NOL12: variants seen among roughly 807,000 people sequenced by gnomAD.
NOL12 encodes nucleolar protein 12.
In NOL12, 21 loss-of-function variants were observed where a neutral mutation model predicts 25.2. The observed-to-expected ratio is 0.83, with a 90% CI of 0.59 to 1.20. The LOEUF (loss-of-function observed/expected upper bound fraction) is 1.20. NOL12 is among the 50% of genes most tolerant of loss of function. The pLI is 0.00. For synonymous variants in NOL12, 133 were observed against 113.8 expected, an observed-to-expected ratio of 1.17 and a Z score of -1.08; for missense variants, 286 against 287.6, an observed-to-expected ratio of 0.99 and a Z score of 0.04.
Position 37,691,351 on chromosome 22 carries a change from C to CT in NOL12, c.*15_*16insT. 1.9e-6 allele frequency: 3 copies of CT among 1,595,632 alleles called. No homozygotes were observed. Among genetic ancestry groups the CT allele is most frequent in the South Asian group, 2.2e-5 (2 of 89,544 alleles). On this transcript the variant is annotated 3_prime_UTR_variant, in exon 6 of 6. Coordinates refer to ENST00000359114, the MANE Select transcript of NOL12 (RefSeq NM_024313.3). ...GCGGGGAGTGAGACCGAGAACGAAG[C>CT]GGTGCCCCAGTCTAGGCTGCGGGGA...
chr22:37,688,154 C>T (rs1200046390), intron 2 of NOL12, 139 bp downstream of exon 2: 32 of 1,053,106 alleles, frequency 3.0e-5, no homozygotes, highest in Non-Finnish European at 4.4e-5. Flanking sequence ...CAGGTGGAGA[C>T]TCTGTGGGCC....
chr22:37,689,050 G>C, intron 4 of NOL12, 58 bp downstream of exon 4: 1 of 1,586,436 alleles, frequency 6.3e-7, no homozygotes, highest in Non-Finnish European at 8.6e-7. Flanking sequence ...AGCTTGTCAG[G>C]GTTGCTCAGT....
rs1039997025 is a variant in NOL12, at chr22:37,686,750, G to A, written c.83+275G>A. 45 of 985,346 alleles carry A rather than the reference G, an allele frequency of 4.6e-5. No individual in the cohort carries two copies. In the Admixed American group the frequency reaches 7.4e-4, roughly 16 times the overall value. The allele number at this position is 985,346 out of a possible 1,614,324, so 61.0% of individuals were successfully genotyped here. A position where few individuals can be genotyped will look rare whatever the true frequency, so the allele number is the denominator to read the frequency against. ...CAGTGGCTTCGACCACCCTAGCCCA[G>A]CCCAGTCCATCGGTCCGGCACACAG... On this transcript the variant is annotated intron_variant, in intron 1 of 5. Transcript: ENST00000359114.
In NOL12 at chr22:37,690,797, G is replaced by T. The variant is rs746872615; in HGVS notation, c.479+3G>T. 5 of 1,610,148 alleles carry T rather than the reference G, an allele frequency of 3.1e-6. No homozygotes were observed. The Admixed American group carries it at 6.7e-5, about 21-fold the overall frequency. ...AGAGACCCCCTGCTCTCTCAGCGGTGAGTCTTGGCCTGCTGCCTCCCCGGT... is the reference window on the plus strand; with the variant it reads ...AGAGACCCCCTGCTCTCTCAGCGGTTAGTCTTGGCCTGCTGCCTCCCCGGT... On this transcript the variant is annotated splice_donor_region_variant and intron_variant, in intron 5 of 5. Transcript: ENST00000359114.
intron 4 of NOL12, 149 bp from the exon 5 acceptor site, chr22:37,690,548 C>T (rs1210824055): frequency 1.7e-6 from 1 of 592,980 alleles, no homozygotes; most frequent in Non-Finnish European, 3.1e-6. Context: ...AGATAGACTT[C>T]TTCCATCAGA....
In NOL12 at chr22:37,691,183, C is replaced by G; in HGVS notation, c.489C>G (p.Ser163=). The G allele has an allele frequency of 6.2e-7, 1 of 1,609,844 alleles. No homozygotes were observed. The highest frequency in any genetic ancestry group is 2.2e-5 in the East Asian group (1 of 44,766). The part of the protein sequence containing the change: ...RDPLLSQRIS[S]LTASLHAHSR... ...TTCTGCCCTCCCCTAGGATCTCCTCCCTCACAGCATCACTACATGCACACA... is the reference window on the plus strand; with the variant it reads ...TTCTGCCCTCCCCTAGGATCTCCTCGCTCACAGCATCACTACATGCACACA... Residue 163 remains serine (S), a synonymous_variant, in exon 6 of 6, where the codon TCC becomes TCG. Transcript: ENST00000359114.
chr22:37,686,638 C>T (rs1399670772), intron 1 of NOL12, 163 bp downstream of exon 1: 1 of 985,312 alleles, frequency 1.0e-6, no homozygotes, highest in African/African-American at 1.7e-5. Flanking sequence ...CTTCTCCCTT[C>T]TCGGCCGCCA....
intron 1 of NOL12, 93 bp downstream of exon 1, chr22:37,686,568 C>T: frequency 2.1e-6 from 3 of 1,412,786 alleles, no homozygotes; most frequent in South Asian, 3.2e-5. Flanking sequence ...GGGGGCTCTT[C>T]CGGTCCCGCC....
rs368567899 is a variant in NOL12, at chr22:37,686,519, G to A, written c.83+44G>A. ...CCGGACTCCCCTCGAGCTGTTCTTC[G>A]CGGCCAAGGCCAGGTCTGGGGCCGA... On this transcript the variant is annotated intron_variant, in intron 1 of 5. Transcript: ENST00000359114. 3.9e-6 allele frequency: 6 copies of A among 1,541,394 alleles called. No individual in the cohort carries two copies. The African/African-American group carries it at 8.4e-5, about 21-fold the overall frequency.
chr22:37,690,176 A>T (rs956039240), intron 4 of NOL12, among the ~76,000 whole-genome samples: 1 of 150,898 alleles, frequency 6.6e-6, no homozygotes. Context: ...CGTCTCAAAA[A>T]AAACTTAGCC....
Position 37,688,303 on chromosome 22 carries a change from TG to T in NOL12, c.190-7del, listed in dbSNP as rs763770585. The T allele has an allele frequency of 2.8e-5, 45 of 1,613,968 alleles. No individual in the cohort carries two copies. Among genetic ancestry groups the T allele is most frequent in the Non-Finnish European group, 3.7e-5 (44 of 1,179,952 alleles). ...ATACTCACTGTGTTCCCTGCCTGTG[TG>T]GTTTCAGCGCCACCAGGAATACTTG... On this transcript the variant is annotated splice_region_variant and splice_polypyrimidine_tract_variant and intron_variant, in intron 2 of 5. Coordinates refer to ENST00000359114, the MANE Select transcript of NOL12 (RefSeq NM_024313.3).
In NOL12 at chr22:37,688,996, G is replaced by A. The variant is rs374329654; in HGVS notation, c.381+4G>A. On this transcript the variant is annotated splice_donor_region_variant and intron_variant, in intron 4 of 5. Coordinates refer to ENST00000359114, the MANE Select transcript of NOL12 (RefSeq NM_024313.3). ...GCTCGGGCTGACCCCACCTGAGGTG[G>A]GTCCCAGTCTCAGCCCTGGGAGGAA... 2.5e-6 allele frequency: 4 copies of A among 1,610,748 alleles called. No individual in the cohort carries two copies. Among genetic ancestry groups the A allele is most frequent in the Non-Finnish European group, 3.4e-6 (4 of 1,179,962 alleles).
In NOL12 at chr22:37,692,767, C is replaced by T. The variant is rs544536946; in HGVS notation, c.*1431C>T. 2 of 398,842 alleles carry T rather than the reference C, an allele frequency of 5.0e-6. No individual in the cohort carries two copies. The highest frequency in any genetic ancestry group is 8.8e-6 in the Non-Finnish European group (2 of 226,338). The allele number at this position is 398,842 out of a possible 1,614,324, so 24.7% of individuals were successfully genotyped here. On this transcript the variant is annotated 3_prime_UTR_variant, in exon 6 of 6. Transcript: ENST00000359114. ...GAGCAGTGAGCCAGGGTCTGCAGGG[C>T]TGTCCTCTCTCCACAGCCAACAGCC...
chr22:37,686,626 C>T (rs1047599643), intron 1 of NOL12, 151 bp downstream of exon 1: 6 of 1,374,318 alleles, frequency 4.4e-6, no homozygotes, highest in Middle Eastern at 2.4e-4. Context: ...CCCGCGTTCC[C>T]GCTTCTCCCT....
At chr22:37,688,420 G>A (rs1921918169) in intron 3 of NOL12, 60 bp downstream of exon 3, 1 of 1,559,544 alleles carries the variant, frequency 6.4e-7, no homozygotes, top group African/African-American at 1.4e-5. Flanking sequence ...TATACCCTTG[G>A]TGGGTGGAAG....
rs778245219 is a variant in NOL12, at chr22:37,693,157, G to A, written c.*1821G>A. Reference sequence around the variant, plus strand: ...GGGTTCTTGCACACAGCAGGGCTCGGGTTTGAATCCAGGCTCTGCTGCTTG... The same window carrying A: ...GGGTTCTTGCACACAGCAGGGCTCGAGTTTGAATCCAGGCTCTGCTGCTTG... On this transcript the variant is annotated 3_prime_UTR_variant, in exon 6 of 6. Transcript: ENST00000359114. The A allele has an allele frequency of 6.1e-4, 95 of 156,860 alleles. No individual in the cohort carries two copies. Among genetic ancestry groups the A allele is most frequent in the South Asian group, 1.2e-3 (6 of 4,872 alleles). 9.7% of individuals were successfully genotyped at this position (156,860 alleles called of 1,614,324 possible). A position where few individuals can be genotyped will look rare whatever the true frequency, so the allele number is the denominator to read the frequency against.
chr22:37,686,641 G>C (rs926940088), intron 1 of NOL12, 166 bp downstream of exon 1: 59 of 985,184 alleles, frequency 6.0e-5, no homozygotes, highest in Non-Finnish European at 6.5e-5. Flanking sequence ...CTCCCTTCTC[G>C]GCCGCCACCT....
chr22:37,687,846 C>G, intron 1 of NOL12, 64 bp from the exon 2 acceptor site: 1 of 1,310,488 alleles, frequency 7.6e-7, no homozygotes, highest in Non-Finnish European at 1.1e-6. Flanking sequence ...CATTTTTCTC[C>G]TAGAGCGAGC....
chr22:37,689,080 A>G (rs999415915), intron 4 of NOL12, 88 bp downstream of exon 4: 88 of 1,437,760 alleles, frequency 6.1e-5, no homozygotes, highest in Non-Finnish European at 7.8e-5. Flanking sequence ...TGTCATGGGT[A>G]TCCCACTGCC....
Sources: gnomAD v4.1 joint callset for allele counts (sites outside exome capture counted in the v4.1 genomes callset) on GRCh38, gnomAD v4.1.1 for gene constraint, MANE v1.5 for transcripts, NCBI Gene and HGNC (gene_info 2026-07-23, HGNC 2026-07-21) for gene names.